NRXN1: variants seen among roughly 807,000 people sequenced by gnomAD.
NRXN1 encodes neurexin-1.
In NRXN1, 39 loss-of-function variants were observed where a neutral mutation model predicts 150.9. That is an observed-to-expected ratio of 0.26 (90% CI 0.20 to 0.34). The LOEUF is 0.34. NRXN1 is among the 10% of genes least tolerant of loss of function. The pLI is 1.00. For missense variants in NRXN1, 1,815 were observed against 1,949.9 expected, an observed-to-expected ratio of 0.93 and a Z score of 1.30; for synonymous variants, 924 against 757.0, an observed-to-expected ratio of 1.22 and a Z score of -3.62.
intron 17 of NRXN1, among the ~76,000 whole-genome samples, chr2:50,305,337 T>C (rs2074518896): frequency 6.6e-6 from 1 of 152,204 alleles, no homozygotes; most frequent in Non-Finnish European, 1.5e-5. Flanking sequence ...CTTTTAAAAC[T>C]TGATGTACAA....
At chr2:50,480,985 G>C (rs1260952165) in intron 15 of NRXN1, among the ~76,000 whole-genome samples, 6 of 152,186 alleles carry the variant, frequency 3.9e-5, no homozygotes, top group Non-Finnish European at 5.9e-5. Context: ...ACTTGACCAA[G>C]CATTTGCACA....
intron 5 of NRXN1, among the ~76,000 whole-genome samples, chr2:50,660,752 G>C (rs115449186): frequency 6.6e-6 from 1 of 151,844 alleles, no homozygotes; most frequent in Non-Finnish European, 1.5e-5. Context: ...TTGAATTTAG[G>C]GTCCTCCAAG....
intron 21 of NRXN1, among the ~76,000 whole-genome samples, chr2:50,010,737 C>T (rs571198678): frequency 6.6e-6 from 1 of 152,188 alleles, no homozygotes; most frequent in South Asian, 2.1e-4. Context: ...CAGGCCATAA[C>T]AAAAGAAATT....
chr2:50,954,827 C>T (rs781310964), intron 2 of NRXN1, among the ~76,000 whole-genome samples: 4 of 152,174 alleles, frequency 2.6e-5, no homozygotes, highest in Non-Finnish European at 4.4e-5. Context: ...AATTCACTGT[C>T]AGAACTGGAA....
chr2:50,594,421 C>T (rs13419154), intron 8 of NRXN1, among the ~76,000 whole-genome samples: 33,357 of 152,008 alleles, frequency 0.22, 4,574 homozygotes, highest in East Asian at 0.42. Flanking sequence ...TCAGCACTGT[C>T]GGGGAACCTT....
intron 17 of NRXN1, among the ~76,000 whole-genome samples, chr2:50,345,140 G>C (rs1052790937): frequency 2.6e-5 from 4 of 152,062 alleles, no homozygotes; most frequent in Non-Finnish European, 4.4e-5. Context: ...CATCACTCTC[G>C]TCTCCATACT....
intron 5 of NRXN1, among the ~76,000 whole-genome samples, chr2:50,816,359 G>A (rs927326236): frequency 6.6e-6 from 1 of 152,038 alleles, no homozygotes; most frequent in Non-Finnish European, 1.5e-5. Context: ...AATGAAGCCA[G>A]GAGCCTTATG....
At chr2:50,806,337 A>G (rs1477619026) in intron 5 of NRXN1, among the ~76,000 whole-genome samples, 3 of 152,318 alleles carry the variant, frequency 2.0e-5, no homozygotes, top group East Asian at 3.9e-4. Context: ...AATGACTCAT[A>G]ATGTATACAT....
rs201392742 is a variant in NRXN1, at chr2:50,496,059, A to G, written c.2916T>C (p.Ala972=). The change falls in exon 15 of 23, where the codon GCT becomes GCC. Residue 972 remains alanine, a synonymous_variant. Transcript: ENST00000401669. ...LHYVFDLGNG[A]NLIKGSSNKP... ...TATTTGAGCTTCCTTTGATGAGGTT[A>G]GCACCATTTCCCAAATCAAACACGT... The G allele has an allele frequency of 6.2e-6, 10 of 1,610,886 alleles. No homozygotes were observed. The highest frequency in any genetic ancestry group is 1.3e-5 in the African/African-American group (1 of 74,936).
chr2:50,161,179 A>G (rs1377234), intron 18 of NRXN1, among the ~76,000 whole-genome samples: 1 of 152,106 alleles, frequency 6.6e-6, no homozygotes, highest in African/African-American at 2.4e-5. Flanking sequence ...CCACCACCCA[A>G]CACCCATCTG....
chr2:50,975,491 G>A (rs1479096505), intron 2 of NRXN1, among the ~76,000 whole-genome samples: 1 of 152,044 alleles, frequency 6.6e-6, no homozygotes, highest in Non-Finnish European at 1.5e-5. Context: ...AATTAGCTGT[G>A]ATTCTACTAT....
chr2:50,702,121 C>A (rs183023736), intron 5 of NRXN1, among the ~76,000 whole-genome samples: 21 of 152,126 alleles, frequency 1.4e-4, no homozygotes, highest in Middle Eastern at 3.4e-3. Context: ...AAAAGCATTA[C>A]ATGGTCAGGT....
rs1471972779 is a variant in NRXN1 at position 50,656,319 on chromosome 2, G to T, written c.833-32704C>A. ...TTAAAGTTACGTATCAATTTTAAAA[G>T]TAACACTTATAATTCTATACTCTAA... On this transcript the variant is annotated intron_variant, in intron 5 of 22. Transcript: ENST00000401669. 4.0e-6 allele frequency: 3 copies of T among 747,542 alleles called. No individual in the cohort carries two copies. In the African/African-American group the frequency reaches 5.2e-5, roughly 13 times the overall value. 46.3% of individuals were successfully genotyped at this position (747,542 alleles called of 1,614,324 possible).
intron 16 of NRXN1, chr2:50,466,338 A>G (rs1260673162): frequency 1.0e-5 from 4 of 384,398 alleles, no homozygotes; most frequent in African/African-American, 6.6e-5. Context: ...CGTTCAAGAA[A>G]GGAAAAGAAT....
intron 18 of NRXN1, among the ~76,000 whole-genome samples, chr2:50,130,909 G>C (rs536002277): frequency 2.0e-5 from 3 of 152,214 alleles, no homozygotes; most frequent in Non-Finnish European, 2.9e-5. Flanking sequence ...TTCTTTTCCG[G>C]ATGTAACGAC....
chr2:50,749,808 G>A (rs888766456), intron 5 of NRXN1, among the ~76,000 whole-genome samples: 1 of 152,000 alleles, frequency 6.6e-6, no homozygotes, highest in African/African-American at 2.4e-5. Flanking sequence ...GTGAAATTCA[G>A]AAAGGGTAAA....
chr2:50,050,175 C>CTTTTTTTTTTTTTT (rs1692484701), intron 21 of NRXN1, among the ~76,000 whole-genome samples: 1 of 66,490 alleles, frequency 1.5e-5, no homozygotes. Flanking sequence ...TTTTTTTTTA[C>CTTTTTTTTTTTTTT]TTTTAAAAGG....
At chr2:50,356,809 T>C (rs1572661487) in intron 17 of NRXN1, among the ~76,000 whole-genome samples, 1 of 152,208 alleles carries the variant, frequency 6.6e-6, no homozygotes. Flanking sequence ...AAACAAAGCA[T>C]ATCTGATGAT....
chr2:50,177,217 A>G (rs1403159568), intron 18 of NRXN1, among the ~76,000 whole-genome samples: 1 of 152,158 alleles, frequency 6.6e-6, no homozygotes, highest in Non-Finnish European at 1.5e-5. Flanking sequence ...GTTGAACATT[A>G]TACCCAATAG....
Sources: allele counts gnomAD v4.1 joint callset (sites outside exome capture counted in the v4.1 genomes callset), GRCh38; gene constraint gnomAD v4.1.1; transcripts MANE v1.5; gene names NCBI Gene and HGNC (gene_info 2026-07-23, HGNC 2026-07-21).